OSBPL6: variants seen among roughly 807,000 people sequenced by gnomAD.
The protein encoded by OSBPL6 is oxysterol binding protein like 6.
In OSBPL6, 49 loss-of-function variants were observed where a neutral mutation model predicts 125.8. The ratio of observed to expected loss-of-function variants is 0.39; its 90% CI spans 0.31 to 0.49. The LOEUF (loss-of-function observed/expected upper bound fraction) is 0.49. Among genes scored for constraint, OSBPL6 ranks in the 20% least tolerant of loss-of-function variants. The pLI is 0.88. For synonymous variants in OSBPL6, 394 were observed against 391.8 expected (o/e 1.01, Z -0.07); for missense variants, 986 against 1,135.4 (o/e 0.87, Z 1.89).
chr2:178,320,672 G>A (rs1688159215), intron 3 of OSBPL6, among the ~76,000 whole-genome samples: 1 of 152,164 alleles, frequency 6.6e-6, no homozygotes, highest in Admixed American at 6.5e-5. Flanking sequence ...CTTAAAGGAA[G>A]CCTTATGAAA....
intron 1 of OSBPL6, among the ~76,000 whole-genome samples, chr2:178,200,797 C>CT (rs999235670): frequency 4.0e-5 from 6 of 150,928 alleles, no homozygotes; most frequent in South Asian, 2.1e-4. Flanking sequence ...TATTTCTTTT[C>CT]TTTTTTTTTC....
chr2:178,270,915 G>T (rs2092362367), intron 1 of OSBPL6, among the ~76,000 whole-genome samples: 1 of 152,100 alleles, frequency 6.6e-6, no homozygotes, highest in African/African-American at 2.4e-5. Flanking sequence ...TTGCAGATGA[G>T]GAAATAGAGG....
chr2:178,390,983 T>C, intron 21 of OSBPL6, 90 bp from the exon 22 acceptor site: 2 of 1,545,788 alleles, frequency 1.3e-6, no homozygotes, highest in Non-Finnish European at 1.8e-6. Flanking sequence ...ATAAGGGACT[T>C]CAAGGCTAAG....
At chr2:178,344,220 C>T in intron 11 of OSBPL6, 1 of 1,351,820 alleles carries the variant, frequency 7.4e-7, no homozygotes, top group Non-Finnish European at 1.1e-6. Flanking sequence ...ATCTTTCATC[C>T]TCCCATCTTC....
Position 178,391,228 on chromosome 2 carries a change from C to T in OSBPL6, c.2446+11C>T, listed in dbSNP as rs748578628. The stretch of plus-strand genomic sequence containing the variant: ...GCATTTGGAGACCAGGTGAGAGTGG[C>T]CTGAGTGTTCTGCCAACAGGAGGGC... On this transcript the variant is annotated intron_variant, in intron 22 of 24. Transcript: ENST00000190611. The T allele has an allele frequency of 3.2e-6, 5 of 1,585,550 alleles. No homozygotes were observed. The highest frequency in any genetic ancestry group is 4.3e-6 in the Non-Finnish European group (5 of 1,167,186).
At chr2:178,388,727 A>C (rs963601052) in intron 20 of OSBPL6, among the ~76,000 whole-genome samples, 1 of 152,188 alleles carries the variant, frequency 6.6e-6, no homozygotes, top group Non-Finnish European at 1.5e-5. Context: ...ATTTGTTTGC[A>C]TATCCATCTA....
chr2:178,378,744 C>A (rs1274330602), intron 15 of OSBPL6, among the ~76,000 whole-genome samples: 1 of 152,174 alleles, frequency 6.6e-6, no homozygotes, highest in African/African-American at 2.4e-5. Flanking sequence ...GCAAGATAGC[C>A]CAGCCTTAGT....
intron 1 of OSBPL6, among the ~76,000 whole-genome samples, chr2:178,255,582 G>A (rs750996060): frequency 6.6e-5 from 10 of 152,200 alleles, no homozygotes; most frequent in Non-Finnish European, 1.2e-4. Flanking sequence ...TCCACTGGCT[G>A]AGACTCTCTA....
Position 178,391,172 on chromosome 2 carries a change from C to G in OSBPL6, c.2401C>G (p.Leu801Val). The G allele has an allele frequency of 6.2e-7, 1 of 1,613,718 alleles. No individual in the cohort carries two copies. The highest frequency in any genetic ancestry group is 8.5e-7 in the Non-Finnish European group (1 of 1,179,858). The change falls in exon 22 of 25, where the codon CTC (leucine) becomes GTC (valine). Residue 801 changes from leucine (L) to valine (V), a missense_variant. This residue lies in a region of OSBPL6 where 843 missense variants were observed against 997.3 expected (regional missense o/e 0.85). Coordinates refer to ENST00000190611, the MANE Select transcript of OSBPL6 (RefSeq NM_032523.4). Reference protein sequence around the residue: ...YRLFGKWHEGLYCGVAPSAKC... With the variant: ...YRLFGKWHEGVYCGVAPSAKC... ...GCTGTTTGGAAAGTGGCATGAAGGA[C>G]TCTACTGTGGTGTGGCCCCCTCTGC...
chr2:178,356,500 A>T (rs1460243896), intron 12 of OSBPL6, among the ~76,000 whole-genome samples: 2 of 152,200 alleles, frequency 1.3e-5, no homozygotes, highest in Non-Finnish European at 1.5e-5. Flanking sequence ...TGCTTCAAAG[A>T]GAATAAAATA....
At chr2:178,292,590 C>G (rs1685386463) in intron 2 of OSBPL6, among the ~76,000 whole-genome samples, 1 of 152,148 alleles carries the variant, frequency 6.6e-6, no homozygotes. Flanking sequence ...ACATCATCCC[C>G]TCTATATCTC....
intron 1 of OSBPL6, among the ~76,000 whole-genome samples, chr2:178,244,069 C>T (rs1203706722): frequency 1.3e-5 from 2 of 152,194 alleles, no homozygotes; most frequent in African/African-American, 4.8e-5. Context: ...TTATCTGTCT[C>T]CTGCCTACAC....
intron 22 of OSBPL6, among the ~76,000 whole-genome samples, chr2:178,391,589 A>G (rs893329013): frequency 6.6e-6 from 1 of 152,242 alleles, no homozygotes; most frequent in African/African-American, 2.4e-5. Context: ...CTGCTTTAAT[A>G]AAACAAAGAC....
At chr2:178,338,625 T>C (rs1276047966) in intron 9 of OSBPL6, among the ~76,000 whole-genome samples, 4 of 152,208 alleles carry the variant, frequency 2.6e-5, no homozygotes, top group African/African-American at 9.6e-5. Flanking sequence ...TTCTAAAGCA[T>C]GTTAGAGGAG....
intron 1 of OSBPL6, among the ~76,000 whole-genome samples, chr2:178,277,215 G>T (rs2092487758): frequency 6.6e-6 from 1 of 152,158 alleles, no homozygotes; most frequent in Admixed American, 6.5e-5. Context: ...TTATTCAACT[G>T]AATAATAGAA....
intron 11 of OSBPL6, among the ~76,000 whole-genome samples, chr2:178,347,198 C>T (rs6725937): frequency 0.063 from 9,598 of 152,150 alleles, 390 homozygotes; most frequent in South Asian, 0.15. Flanking sequence ...ACAAGCTTCC[C>T]GCCAACTCTC....
intron 1 of OSBPL6, among the ~76,000 whole-genome samples, chr2:178,214,243 A>C (rs190881904): frequency 4.7e-4 from 71 of 152,314 alleles, no homozygotes; most frequent in Non-Finnish European, 9.6e-4. Flanking sequence ...CTGATGTTCT[A>C]GGAGCCTGAC....
chr2:178,253,258 G>A (rs1217385876), intron 1 of OSBPL6, among the ~76,000 whole-genome samples: 1 of 152,088 alleles, frequency 6.6e-6, no homozygotes, highest in Non-Finnish European at 1.5e-5. Context: ...CTGACCTCAG[G>A]CAATCACCCA....
chr2:178,254,678 A>T (rs1439222866), intron 1 of OSBPL6, among the ~76,000 whole-genome samples: 3 of 152,188 alleles, frequency 2.0e-5, no homozygotes, highest in African/African-American at 7.2e-5. Flanking sequence ...ACTAGAATGT[A>T]CTAGTTTCCA....
Sources: gnomAD v4.1 joint callset for allele counts (sites outside exome capture counted in the v4.1 genomes callset) on GRCh38, gnomAD v4.1.1 for gene constraint, gnomAD v4.1.1 regional missense constraint, MANE v1.5 for transcripts, NCBI Gene and HGNC (gene_info 2026-07-23, HGNC 2026-07-21) for gene names.